PRR16: variants seen among roughly 807,000 people sequenced by gnomAD.
PRR16 encodes protein Largen.
Under a neutral mutation model 18.2 loss-of-function variants are expected in PRR16, and 6 were observed. That is an observed-to-expected ratio of 0.33 (90% CI 0.18 to 0.65). The LOEUF (loss-of-function observed/expected upper bound fraction) is 0.65, where lower values mean the gene tolerates loss of function less well. Ranked by LOEUF, PRR16 falls within the 30% of genes least tolerant of loss-of-function variation. The pLI, the probability that PRR16 is intolerant of heterozygous loss-of-function variation, is 0.74. For missense variants in PRR16, 412 were observed against 376.6 expected, an observed-to-expected ratio of 1.09 and a Z score of -0.78; for synonymous variants, 151 against 147.8, an observed-to-expected ratio of 1.02 and a Z score of -0.16.
the PRR16 span, among the ~76,000 whole-genome samples, chr5:120,747,218 A>C: frequency 6.6e-6 from 1 of 152,172 alleles, no homozygotes. Context: ...GACTGGCTGC[A>C]TGTGTGGGGC....
chr5:120,735,270 C>CA, the PRR16 span, among the ~76,000 whole-genome samples: 1 of 152,270 alleles, frequency 6.6e-6, no homozygotes, highest in African/African-American at 2.4e-5. Flanking sequence ...TGTAGGCGGA[C>CA]ATGTGTGTTG....
At chr5:120,760,910 C>A in the PRR16 span, among the ~76,000 whole-genome samples, 1 of 152,054 alleles carries the variant, frequency 6.6e-6, no homozygotes, top group South Asian at 2.1e-4. Context: ...CTTGCTTCCT[C>A]ACTTCTCTAT....
the PRR16 span, among the ~76,000 whole-genome samples, chr5:120,788,047 A>G: frequency 6.6e-6 from 1 of 151,852 alleles, no homozygotes; most frequent in Non-Finnish European, 1.5e-5. Flanking sequence ...ACATTTTACT[A>G]TTTTTGAAAA....
chr5:120,529,934 T>A (rs1381568406), intron 1 of PRR16, among the ~76,000 whole-genome samples: 1 of 151,802 alleles, frequency 6.6e-6, no homozygotes, highest in East Asian at 1.9e-4. Context: ...AACATTAACT[T>A]TTTTACTATG....
At chr5:120,609,743 A>G (rs1037956578) in intron 1 of PRR16, among the ~76,000 whole-genome samples, 3 of 152,302 alleles carry the variant, frequency 2.0e-5, no homozygotes, top group African/African-American at 7.2e-5. Context: ...AAAAATAAAC[A>G]TGTCATTTTT....
the PRR16 span, among the ~76,000 whole-genome samples, chr5:120,713,535 T>C: frequency 2.0e-5 from 3 of 152,166 alleles, no homozygotes. Context: ...AAATAGAAAT[T>C]GAAAATCAGA....
chr5:120,550,218 T>G (rs1752210796), intron 1 of PRR16, among the ~76,000 whole-genome samples: 1 of 152,020 alleles, frequency 6.6e-6, no homozygotes, highest in Non-Finnish European at 1.5e-5. Context: ...ACTCTAAATA[T>G]GAAGTTCGAG....
the PRR16 span, among the ~76,000 whole-genome samples, chr5:120,756,493 T>A: frequency 2.0e-5 from 3 of 152,098 alleles, no homozygotes; most frequent in Non-Finnish European, 1.5e-5. Context: ...CCATTCTGAC[T>A]GGTATGAGAT....
At chr5:120,489,425 T>A (rs1488781028) in intron 1 of PRR16, among the ~76,000 whole-genome samples, 1 of 152,216 alleles carries the variant, frequency 6.6e-6, no homozygotes, top group East Asian at 1.9e-4. Flanking sequence ...TTTGTCTCTT[T>A]TGATCTTTGT....
chr5:120,764,204 A>G, the PRR16 span, among the ~76,000 whole-genome samples: 1 of 152,216 alleles, frequency 6.6e-6, no homozygotes, highest in Middle Eastern at 3.4e-3. Context: ...TGTATCATAC[A>G]TGGCCTTTAT....
chr5:120,644,548 C>T (rs895384990), intron 1 of PRR16, among the ~76,000 whole-genome samples: 9 of 152,082 alleles, frequency 5.9e-5, no homozygotes, highest in Admixed American at 2.6e-4. Flanking sequence ...GAGAGTTAGC[C>T]ATTGCTTTTA....
the PRR16 span, among the ~76,000 whole-genome samples, chr5:120,729,983 T>G: frequency 7.9e-5 from 12 of 152,164 alleles, no homozygotes; most frequent in African/African-American, 2.7e-4. Flanking sequence ...AATGGAGAGA[T>G]AGCCATATAG....
chr5:120,608,658 AT>A (rs980908470), intron 1 of PRR16, among the ~76,000 whole-genome samples: 1 of 152,076 alleles, frequency 6.6e-6, no homozygotes, highest in African/African-American at 2.4e-5. Context: ...ATTAGGCTAG[AT>A]TTTTTTCTAA....
At chr5:120,516,423 C>CAAA (rs531146634) in intron 1 of PRR16, among the ~76,000 whole-genome samples, 3 of 52,616 alleles carry the variant, frequency 5.7e-5, no homozygotes, top group Non-Finnish European at 1.3e-4. Flanking sequence ...GATTATGTCT[C>CAAA]AAAAAAAAAA....
intron 1 of PRR16, among the ~76,000 whole-genome samples, chr5:120,678,228 C>T (rs994362943): frequency 1.3e-5 from 2 of 152,164 alleles, no homozygotes; most frequent in South Asian, 2.1e-4. Context: ...CAAGGCTTTA[C>T]GAGTTAGGCA....
intron 1 of PRR16, among the ~76,000 whole-genome samples, chr5:120,499,738 C>T (rs1561518684): frequency 6.6e-6 from 1 of 150,734 alleles, no homozygotes; most frequent in Non-Finnish European, 1.5e-5. Flanking sequence ...ACACCTCTGT[C>T]ATCAAGCTGT....
the PRR16 span, among the ~76,000 whole-genome samples, chr5:120,741,454 T>C: frequency 2.6e-5 from 4 of 152,204 alleles, no homozygotes; most frequent in Non-Finnish European, 5.9e-5. Flanking sequence ...CTTGAAACTT[T>C]TATTTCTTTT....
intron 1 of PRR16, among the ~76,000 whole-genome samples, chr5:120,468,087 C>G (rs115305671): frequency 6.6e-6 from 1 of 151,898 alleles, no homozygotes; most frequent in Admixed American, 6.6e-5. Context: ...TTGGGGAAAT[C>G]GAGAATTGAG....
intron 1 of PRR16, among the ~76,000 whole-genome samples, chr5:120,625,452 C>T (rs1024776649): frequency 2.0e-5 from 3 of 152,168 alleles, no homozygotes; most frequent in Non-Finnish European, 4.4e-5. Context: ...ATCTTCCCAC[C>T]TCAGCCTCCT....
Sources: allele counts gnomAD v4.1 joint callset (sites outside exome capture counted in the v4.1 genomes callset), GRCh38; gene constraint gnomAD v4.1.1; transcripts MANE v1.5; gene names NCBI Gene and HGNC (gene_info 2026-07-23, HGNC 2026-07-21).